ATXN1: variants seen among roughly 807,000 people sequenced by gnomAD.
ATXN1 encodes the protein ataxin-1.
A neutral mutation model predicts 56.4 loss-of-function variants in ATXN1; 8 were observed. The observed-to-expected ratio is 0.14, with a 90% confidence interval of 0.08 to 0.26. The LOEUF is 0.26. Ranked by LOEUF, ATXN1 falls within the 10% of genes least tolerant of loss-of-function variation. The pLI, the probability that ATXN1 is intolerant of heterozygous loss-of-function variation, is 1.00. For missense variants in ATXN1, 987 were observed against 1,106.5 expected, an observed-to-expected ratio of 0.89 and a Z score of 1.53; for synonymous variants, 514 against 494.6, an observed-to-expected ratio of 1.04 and a Z score of -0.52.
chr6:16,369,833 G>C (rs1305984553), intron 6 of ATXN1, among the ~76,000 whole-genome samples: 1 of 152,148 alleles, frequency 6.6e-6, no homozygotes, highest in Non-Finnish European at 1.5e-5. Flanking sequence ...TGTGTATAAT[G>C]GTCTCTGAAA....
chr6:16,330,551 G>A (rs188359080), intron 6 of ATXN1, among the ~76,000 whole-genome samples: 89 of 151,758 alleles, frequency 5.9e-4, no homozygotes, highest in Admixed American at 4.6e-3. Flanking sequence ...CACCACACCC[G>A]GCTAATTTTT....
At chr6:16,503,870 T>G (rs1206768087) in intron 5 of ATXN1, among the ~76,000 whole-genome samples, 2 of 152,194 alleles carry the variant, frequency 1.3e-5, no homozygotes, top group Non-Finnish European at 2.9e-5. Context: ...TAAACATTTT[T>G]AACTATACAG....
At chr6:16,713,854 C>T (rs1233435708) in intron 2 of ATXN1, among the ~76,000 whole-genome samples, 4 of 152,150 alleles carry the variant, frequency 2.6e-5, no homozygotes, top group Admixed American at 6.6e-5. Flanking sequence ...AAAATGTAAT[C>T]GTCAAATCTT....
At chr6:16,488,383 G>A (rs188196756) in intron 5 of ATXN1, among the ~76,000 whole-genome samples, 2 of 152,112 alleles carry the variant, frequency 1.3e-5, no homozygotes, top group African/African-American at 4.8e-5. Flanking sequence ...GATGATTACG[G>A]TATTTTTACT....
chr6:16,469,085 A>C (rs954161262), intron 6 of ATXN1, among the ~76,000 whole-genome samples: 27 of 152,208 alleles, frequency 1.8e-4, no homozygotes, highest in Non-Finnish European at 3.7e-4. Context: ...TTTAAAATGC[A>C]CTTACACCGT....
Position 16,328,103 on chromosome 6 carries a change from C to A in ATXN1, c.208G>T (p.Gly70Cys). 1 of 1,598,870 alleles carries A rather than the reference C, an allele frequency of 6.3e-7. No homozygotes were observed. The highest frequency in any genetic ancestry group is 8.6e-7 in the Non-Finnish European group (1 of 1,169,372). Reference protein sequence around the residue: ...HGPAGTSVELGLQQGIGLHKA... With the variant: ...HGPAGTSVELCLQQGIGLHKA... ...TGTAAACCTATTCCCTGTTGTAAAC[C>A]AAGCTCCACCGAGGTCCCTGCCGGC... Residue 70 changes from glycine to cysteine, a missense_variant, in exon 7 of 8, where the codon GGT (glycine) becomes TGT (cysteine). Physicochemically the swap from Gly to Cys is radical, Grantham distance 159. Around this residue, in one of 3 missense-constraint regions of ATXN1, gnomAD observed 723 missense variants for 791.7 expected, o/e 0.91. Coordinates refer to ENST00000436367, the MANE Select transcript of ATXN1 (RefSeq NM_001128164.2). This position sits in a 1 kb window ranked among gnomAD's most constrained non-coding sequence, Gnocchi z 6.2.
At chr6:16,675,883 T>C (rs1303600866) in intron 2 of ATXN1, among the ~76,000 whole-genome samples, 6 of 151,976 alleles carry the variant, frequency 3.9e-5, no homozygotes, top group African/African-American at 9.7e-5. Context: ...AGTGAGACTC[T>C]TTCTCAAAAA....
At chr6:16,339,989 GC>G (rs1761209014) in intron 6 of ATXN1, among the ~76,000 whole-genome samples, 1 of 152,188 alleles carries the variant, frequency 6.6e-6, no homozygotes, top group Admixed American at 6.5e-5. Context: ...CACCATGTTG[GC>G]CAGGATGGTC....
At chr6:16,450,225 C>G (rs1294435669) in intron 6 of ATXN1, among the ~76,000 whole-genome samples, 1 of 152,208 alleles carries the variant, frequency 6.6e-6, no homozygotes, top group Non-Finnish European at 1.5e-5. Context: ...AAAACCGGTC[C>G]TTGTGGGAAC....
intron 4 of ATXN1, among the ~76,000 whole-genome samples, chr6:16,566,546 A>AAAACAAAC (rs531564016): frequency 1.3e-5 from 2 of 151,938 alleles, no homozygotes; most frequent in Non-Finnish European, 2.9e-5. Flanking sequence ...GGCCAATTAA[A>AAAACAAAC]AAACAAACAA....
At chr6:16,345,213 T>C (rs999179522) in intron 6 of ATXN1, among the ~76,000 whole-genome samples, 3 of 152,196 alleles carry the variant, frequency 2.0e-5, no homozygotes, top group Admixed American at 1.3e-4. Flanking sequence ...CCCCTTGAGA[T>C]TCCATTTCAA....
chr6:16,377,612 G>C (rs554779757), intron 6 of ATXN1, among the ~76,000 whole-genome samples: 2 of 152,226 alleles, frequency 1.3e-5, no homozygotes, highest in Admixed American at 6.5e-5. Context: ...GTGCTCCACT[G>C]GGGGTAGCTG....
chr6:16,516,779 C>T (rs1055572944), intron 5 of ATXN1, among the ~76,000 whole-genome samples: 3 of 152,132 alleles, frequency 2.0e-5, no homozygotes, highest in Non-Finnish European at 4.4e-5. Flanking sequence ...ATTTACTGCC[C>T]TCAGTATCTT....
intron 2 of ATXN1, among the ~76,000 whole-genome samples, chr6:16,723,955 C>T (rs1297399863): frequency 6.6e-6 from 1 of 152,084 alleles, no homozygotes. Flanking sequence ...GATTCTTACA[C>T]AAATCATAAA....
Position 16,335,503 on chromosome 6 carries a change from G to A in ATXN1, c.-160-7033C>T, listed in dbSNP as rs1045423529. ...GAGAAAAAGCAAGAAATGAAAGCTC[G>A]TAATCCAAGCTAGAAGGAGTCCACA... On this transcript the variant is annotated intron_variant, in intron 6 of 7. Transcript: ENST00000436367. Among the ~76,000 whole-genome samples the A allele has an allele frequency of 8.5e-5, 13 of 152,286 alleles. No homozygotes were observed. In the East Asian group the frequency reaches 1.3e-3, roughly 16 times the overall value.
At chr6:16,430,059 G>A (rs1316825983) in intron 6 of ATXN1, among the ~76,000 whole-genome samples, 1 of 151,994 alleles carries the variant, frequency 6.6e-6, no homozygotes, top group African/African-American at 2.4e-5. Context: ...GGCGGGTGTT[G>A]AGACTGAGAA....
intron 5 of ATXN1, among the ~76,000 whole-genome samples, chr6:16,505,590 A>T (rs1760969290): frequency 2.0e-5 from 3 of 152,348 alleles, no homozygotes; most frequent in Middle Eastern, 3.4e-3. Context: ...CCTTAATAGG[A>T]ACACAAGCCA....
At chr6:16,599,390 T>G (rs1206150654) in intron 3 of ATXN1, among the ~76,000 whole-genome samples, 1 of 151,924 alleles carries the variant, frequency 6.6e-6, no homozygotes, top group Non-Finnish European at 1.5e-5. Context: ...TCCAAAGATT[T>G]CCTTCTATCA....
chr6:16,741,374 G>A (rs550347847), intron 2 of ATXN1, among the ~76,000 whole-genome samples: 1 of 152,134 alleles, frequency 6.6e-6, no homozygotes, highest in Non-Finnish European at 1.5e-5. Context: ...AAGAGAAAGG[G>A]TACTTTTGAC....
Sources: allele counts gnomAD v4.1 joint callset (sites outside exome capture counted in the v4.1 genomes callset), GRCh38; gene constraint gnomAD v4.1.1; regional missense constraint gnomAD v4.1.1; non-coding constraint Gnocchi (gnomAD v3.1); transcripts MANE v1.5; gene names NCBI Gene and HGNC (gene_info 2026-07-23, HGNC 2026-07-21).